Variants in SLC22A23 observed in about 807,000 individuals in gnomAD.
SLC22A23 encodes the protein ion transporter protein.
In SLC22A23, 26 loss-of-function variants were observed where a neutral mutation model predicts 61.0. The observed-to-expected ratio is 0.43, with a 90% CI of 0.31 to 0.59. The LOEUF (loss-of-function observed/expected upper bound fraction) is 0.59, where lower values mean the gene tolerates loss of function less well. Ranked by LOEUF, SLC22A23 falls within the 20% of genes least tolerant of loss-of-function variation. SLC22A23 has a pLI of 0.11. For synonymous variants in SLC22A23, 430 were observed against 413.9 expected (o/e 1.04, Z -0.47); for missense variants, 796 against 934.7 (o/e 0.85, Z 1.94).
chr6:3,393,823 T>A (rs964652272), intron 3 of SLC22A23, among the ~76,000 whole-genome samples: 1 of 152,242 alleles, frequency 6.6e-6, no homozygotes, highest in Admixed American at 6.5e-5. Flanking sequence ...CGGAGTTACC[T>A]CTTCATCCCT....
At chr6:3,455,217 C>A (rs1358800973) in intron 1 of SLC22A23, among the ~76,000 whole-genome samples, 2 of 152,208 alleles carry the variant, frequency 1.3e-5, no homozygotes, top group East Asian at 3.8e-4. Context: ...TCAGCTAAAG[C>A]ACACCCCCGT....
In SLC22A23 at chr6:3,323,911, T is replaced by A. The variant is rs141040497; in HGVS notation, c.1005A>T (p.Leu335=). 9.3e-6 allele frequency: 15 copies of A among 1,614,214 alleles called. No individual in the cohort carries two copies. The African/African-American group carries it at 1.9e-4, about 20-fold the overall frequency. The part of the protein sequence containing the change: ...AMAGQFLMPG[L]AALCRDWQVL... ...CCTGCCAATCCCGGCACAGGGCGGC[T>A]AGCCCAGGCATGAGGAACTGGCCCG... Residue 335 remains leucine (L), a synonymous_variant, in exon 4 of 10, where the codon CTA becomes CTT. Transcript: ENST00000406686.
At chr6:3,325,674 A>G (rs1763237716) in intron 3 of SLC22A23, among the ~76,000 whole-genome samples, 1 of 152,250 alleles carries the variant, frequency 6.6e-6, no homozygotes, top group Non-Finnish European at 1.5e-5. Flanking sequence ...AATAATAAAG[A>G]AAAATAGGTC....
intron 3 of SLC22A23, among the ~76,000 whole-genome samples, chr6:3,392,372 T>C (rs1767719604): frequency 6.6e-6 from 1 of 152,256 alleles, no homozygotes; most frequent in African/African-American, 2.4e-5. Context: ...TTTGTTTAAA[T>C]CCCTGTTGTT....
chr6:3,289,835 C>G lies in SLC22A23; in HGVS notation c.1242G>C (p.Lys414Asn), dbSNP rs766431068. Reference protein sequence around the residue: ...ELEKELSRRPKKVCIVKVVGT... With the variant: ...ELEKELSRRPNKVCIVKVVGT... ...CCACCACCTTCACGATGCAGACCTT[C>G]TTGGGCCTCCGGGAAAGCTCTTTCT... The change falls in exon 6 of 10, where the codon AAG (lysine) becomes AAC (asparagine). Residue 414 changes from lysine to asparagine, a missense_variant. Physicochemically the swap from Lys to Asn is moderately conservative, Grantham distance 94. Coordinates refer to ENST00000406686, the MANE Select transcript of SLC22A23 (RefSeq NM_015482.2). 5 of 1,614,048 alleles carry G rather than the reference C, an allele frequency of 3.1e-6. No homozygotes were observed. Among genetic ancestry groups the G allele is most frequent in the Non-Finnish European group, 4.2e-6 (5 of 1,180,040 alleles).
At chr6:3,354,145 C>A (rs1208526204) in intron 3 of SLC22A23, among the ~76,000 whole-genome samples, 2 of 152,218 alleles carry the variant, frequency 1.3e-5, no homozygotes, top group South Asian at 4.1e-4. Flanking sequence ...ATGGCCAAGA[C>A]AAGAGCCACA....
intron 3 of SLC22A23, among the ~76,000 whole-genome samples, chr6:3,339,684 C>T (rs1764047897): frequency 6.6e-6 from 1 of 152,172 alleles, no homozygotes; most frequent in Admixed American, 6.5e-5. Context: ...CTCCCAGCAG[C>T]GCCATGACGG....
chr6:3,351,382 AAT>A (rs1173091371), intron 3 of SLC22A23, among the ~76,000 whole-genome samples: 3 of 152,210 alleles, frequency 2.0e-5, no homozygotes, highest in Admixed American at 2.0e-4. Context: ...GTTGGGGAAA[AAT>A]AATCTGATGT....
At position 3,342,554 on chromosome 6, in the gene SLC22A23, C is replaced by T. The variant is rs1441317496; in HGVS notation, c.914-18552G>A. ...CCACAGCATCAGAGTCCCCCGGGGC[C>T]CTGAGCCCAGATTCCCAGAAACAGA... On this transcript the variant is annotated intron_variant, in intron 3 of 9. Coordinates refer to ENST00000406686, the MANE Select transcript of SLC22A23 (RefSeq NM_015482.2). This position sits in a 1 kb window ranked among gnomAD's most constrained non-coding sequence, Gnocchi z 4.0. Among the ~76,000 whole-genome samples the T allele has an allele frequency of 6.6e-6, 1 of 152,126 alleles. No individual in the cohort carries two copies. The highest frequency in any genetic ancestry group is 1.5e-5 in the Non-Finnish European group (1 of 68,020).
chr6:3,444,317 C>T (rs905567540), intron 1 of SLC22A23, among the ~76,000 whole-genome samples: 1 of 152,208 alleles, frequency 6.6e-6, no homozygotes, highest in Non-Finnish European at 1.5e-5. Context: ...AAGGTTTCTA[C>T]AATACTGAGG....
chr6:3,339,227 T>C (rs1430353584), intron 3 of SLC22A23, among the ~76,000 whole-genome samples: 1 of 152,178 alleles, frequency 6.6e-6, no homozygotes, highest in Non-Finnish European at 1.5e-5. Flanking sequence ...AACAGTGTGC[T>C]TTCCCCCACC....
At position 3,456,518 on chromosome 6, in the gene SLC22A23, A is replaced by G; in HGVS notation, c.42T>C (p.Pro14=). The G allele has an allele frequency of 2.0e-6, 2 of 994,768 alleles. No homozygotes were observed. Among genetic ancestry groups the G allele is most frequent in the Non-Finnish European group, 2.4e-6 (2 of 838,580 alleles). The allele number at this position is 994,768 out of a possible 1,614,324, so 61.6% of individuals were successfully genotyped here. ...CCTCGGCCGGGGCCGGCTGCCGCCC[A>G]GGCCCGCCGCCCGCCGCCTCGCGCC... ...DRRREAAGGG[P]GRQPAPAEEN... Residue 14 remains proline (P), a synonymous_variant, in exon 1 of 10, where the codon CCT becomes CCC. Transcript: ENST00000406686. The surrounding 1 kb of genome is among the most constrained non-coding windows in gnomAD (Gnocchi z 7.1).
intron 1 of SLC22A23, among the ~76,000 whole-genome samples, chr6:3,444,160 G>A (rs190320075): frequency 1.3e-5 from 2 of 152,288 alleles, no homozygotes; most frequent in Admixed American, 6.5e-5. Context: ...TTATTTTAGA[G>A]GAATCCACTT....
At chr6:3,340,701 T>C (rs1268585580) in intron 3 of SLC22A23, among the ~76,000 whole-genome samples, 3 of 152,022 alleles carry the variant, frequency 2.0e-5, no homozygotes, top group African/African-American at 7.3e-5. Context: ...GTGCGGCCCT[T>C]ATGGAAAACA....
chr6:3,412,362 AC>A (rs1769326222), intron 2 of SLC22A23, among the ~76,000 whole-genome samples: 1 of 152,202 alleles, frequency 6.6e-6, no homozygotes, highest in African/African-American at 2.4e-5. Context: ...CTTGAGTAAG[AC>A]CAGGCTTGTT....
chr6:3,341,765 C>T (rs1479563224), intron 3 of SLC22A23, among the ~76,000 whole-genome samples: 3 of 146,444 alleles, frequency 2.0e-5, no homozygotes, highest in Non-Finnish European at 3.0e-5. Context: ...CGAAGCTTCC[C>T]TGTCAAGCGA....
At chr6:3,448,903 G>C (rs79677772) in intron 1 of SLC22A23, among the ~76,000 whole-genome samples, 1 of 148,584 alleles carries the variant, frequency 6.7e-6, no homozygotes, top group Non-Finnish European at 1.5e-5. Flanking sequence ...AGAGGGAGAC[G>C]GAGAGGGAGA....
chr6:3,332,868 A>G (rs544840540), intron 3 of SLC22A23, among the ~76,000 whole-genome samples: 1 of 152,168 alleles, frequency 6.6e-6, no homozygotes, highest in South Asian at 2.1e-4. Flanking sequence ...CTCTTTCCCC[A>G]TGGAACTTGA....
chr6:3,358,544 T>A (rs1765250742), intron 3 of SLC22A23, among the ~76,000 whole-genome samples: 1 of 151,828 alleles, frequency 6.6e-6, no homozygotes, highest in Non-Finnish European at 1.5e-5. Context: ...AATCAAAGAG[T>A]GGGCTGATGG....
Sources: allele counts gnomAD v4.1 joint callset (sites outside exome capture counted in the v4.1 genomes callset), GRCh38; gene constraint gnomAD v4.1.1; non-coding constraint Gnocchi (gnomAD v3.1); transcripts MANE v1.5; gene names NCBI Gene and HGNC (gene_info 2026-07-23, HGNC 2026-07-21).